The following MED15 variants were observed in gnomAD, a reference collection of about 807,000 sequenced individuals.
MED15 encodes the protein mediator of RNA polymerase II transcription subunit 15.
A neutral mutation model predicts 118.7 loss-of-function variants in MED15; 41 were observed. The observed-to-expected ratio is 0.35, with a 90% CI of 0.27 to 0.45. MED15 has a LOEUF of 0.45. Among genes scored for constraint, MED15 ranks in the 20% least tolerant of loss-of-function variants. The pLI, the probability that MED15 is intolerant of heterozygous loss-of-function variation, is 1.00. For synonymous variants in MED15, 436 were observed against 413.9 expected (o/e 1.05, Z -0.65); for missense variants, 740 against 1,025.5 (o/e 0.72, Z 3.80).
intron 13 of MED15, 175 bp downstream of exon 13, chr22:20,583,568 A>G (rs895360728): frequency 1.4e-6 from 1 of 713,374 alleles, no homozygotes; most frequent in African/African-American, 1.8e-5. Context: ...CCCAGGCTTC[A>G]TCTTGGCCCA....
At chr22:20,528,960 CTGT>C (rs2054754813) in intron 1 of MED15, among the ~76,000 whole-genome samples, 1 of 152,310 alleles carries the variant, frequency 6.6e-6, no homozygotes, top group South Asian at 2.1e-4. Context: ...CTTTCACCCT[CTGT>C]CCCAGAGCAC....
rs1017571362 is a variant in MED15, at chr22:20,575,318, C to G, written c.1272+86C>G. 7 of 1,483,122 alleles carry G rather than the reference C, an allele frequency of 4.7e-6. No individual in the cohort carries two copies. In the South Asian group the frequency reaches 5.0e-5, roughly 11 times the overall value. 91.9% of individuals were successfully genotyped at this position (1,483,122 alleles called of 1,614,324 possible). ...TGTAAAGCGCACCTGTCATTATCAT[C>G]GCCGGTGACTTCTTTTATGGTGGCT... On this transcript the variant is annotated intron_variant, in intron 9 of 17. Coordinates refer to ENST00000263205, the MANE Select transcript of MED15 (RefSeq NM_001003891.3).
intron 1 of MED15, among the ~76,000 whole-genome samples, chr22:20,513,591 C>T (rs774241465): frequency 2.6e-4 from 40 of 152,132 alleles, no homozygotes; most frequent in South Asian, 1.7e-3. Flanking sequence ...CTTTCTTAAT[C>T]GTGTCCCTCA....
chr22:20,508,018 C>T, intron 1 of MED15: 1 of 1,410,238 alleles, frequency 7.1e-7, no homozygotes, highest in Non-Finnish European at 9.2e-7. Flanking sequence ...CATTTGTGTG[C>T]TTTGGGTGCA....
chr22:20,571,373 C>G (rs527367117), intron 8 of MED15, among the ~76,000 whole-genome samples: 1 of 152,218 alleles, frequency 6.6e-6, no homozygotes, highest in African/African-American at 2.4e-5. Context: ...CACTGTGGTT[C>G]GTTGCTGAGT....
At chr22:20,529,103 G>A (rs1354485526) in intron 1 of MED15, among the ~76,000 whole-genome samples, 4 of 152,200 alleles carry the variant, frequency 2.6e-5, no homozygotes, top group Admixed American at 1.3e-4. Context: ...TGGGCCATCA[G>A]CTTTCCAGCT....
intron 2 of MED15, among the ~76,000 whole-genome samples, chr22:20,541,251 CATAA>C (rs1337762428): frequency 6.6e-6 from 1 of 151,648 alleles, no homozygotes; most frequent in Non-Finnish European, 1.5e-5. Flanking sequence ...AAAATAAATA[CATAA>C]ATAAAATAAA....
Position 20,586,698 on chromosome 22 carries a change from C to G in MED15, c.2361C>G (p.Ala787=), listed in dbSNP as rs754668727. 7 of 1,612,386 alleles carry G rather than the reference C, an allele frequency of 4.3e-6. No homozygotes were observed. In the African/African-American group the frequency reaches 9.3e-5, roughly 22 times the overall value. The change falls in exon 18 of 18, where the codon GCC becomes GCG. Residue 787 remains alanine (A), a synonymous_variant. Transcript: ENST00000263205. ...GCGTCCACCAGGCCTGCCTCTCAGC[C>G]GCCTAGCCAAGACTGCAGGGATGGC... ...AQSVHQACLS[A]A is the part of the protein sequence containing the mutation.
intron 8 of MED15, among the ~76,000 whole-genome samples, chr22:20,569,301 G>C (rs1341366406): frequency 1.3e-5 from 2 of 152,222 alleles, no homozygotes; most frequent in African/African-American, 4.8e-5. Context: ...TTCTTGTGGG[G>C]AGACGTACAG....
chr22:20,581,233 G>A (rs1005302900), intron 9 of MED15, among the ~76,000 whole-genome samples: 13 of 152,344 alleles, frequency 8.5e-5, no homozygotes, highest in Admixed American at 3.3e-4. Context: ...AGAGCATTTC[G>A]CTCCAGGAGC....
intron 2 of MED15, among the ~76,000 whole-genome samples, chr22:20,544,728 G>A (rs1484821486): frequency 6.6e-6 from 1 of 152,184 alleles, no homozygotes; most frequent in Non-Finnish European, 1.5e-5. Flanking sequence ...TTCAAAGTCA[G>A]TACCATGGGT....
At chr22:20,515,800 A>G (rs999231215) in intron 1 of MED15, among the ~76,000 whole-genome samples, 1 of 151,634 alleles carries the variant, frequency 6.6e-6, no homozygotes, top group Non-Finnish European at 1.5e-5. Context: ...AAAAAAATAT[A>G]TAGACCAACC....
In MED15 at chr22:20,537,179, A is replaced by G. The variant is rs2055111226; in HGVS notation, c.131A>G (p.His44Arg). Residue 44 changes from histidine (H) to arginine (R), a missense_variant, in exon 2 of 18, where the codon CAT becomes CGT. By Grantham distance (29) the His-to-Arg change is conservative. Coordinates refer to ENST00000263205, the MANE Select transcript of MED15 (RefSeq NM_001003891.3). Reference protein sequence around the residue: ...HSKSSKDMESHVFLKAKTRDE... With the variant: ...HSKSSKDMESRVFLKAKTRDE... The stretch of plus-strand genomic sequence containing the variant: ...AAATCCAGCAAGGATATGGAGAGCC[A>G]TGTTTTCCTGAAGGCCAAGACCCGG... 6.2e-7 allele frequency: 1 copy of G among 1,613,908 alleles called. No individual in the cohort carries two copies. The highest frequency in any genetic ancestry group is 8.5e-7 in the Non-Finnish European group (1 of 1,179,874).
intron 1 of MED15, among the ~76,000 whole-genome samples, chr22:20,534,760 C>T (rs2054994726): frequency 6.6e-6 from 1 of 152,178 alleles, no homozygotes; most frequent in Non-Finnish European, 1.5e-5. Flanking sequence ...TCCCAGCCCA[C>T]CCATGCCTCG....
At chr22:20,567,558 A>C (rs968681632) in intron 7 of MED15, among the ~76,000 whole-genome samples, 6 of 152,138 alleles carry the variant, frequency 3.9e-5, no homozygotes, top group African/African-American at 1.4e-4. Context: ...TGAGGAGCAG[A>C]TATGCTCACT....
chr22:20,527,584 G>A (rs2054695101), intron 1 of MED15, among the ~76,000 whole-genome samples: 1 of 151,920 alleles, frequency 6.6e-6, no homozygotes, highest in Non-Finnish European at 1.5e-5. Flanking sequence ...TGGGACTGCA[G>A]GCATGCACCA....
At chr22:20,550,184 A>G (rs768259127) in intron 2 of MED15, among the ~76,000 whole-genome samples, 3 of 151,634 alleles carry the variant, frequency 2.0e-5, no homozygotes, top group Admixed American at 1.3e-4. Context: ...TTCTCATACC[A>G]CTGTCCTTCA....
At position 20,566,458 on chromosome 22, in the gene MED15, T is replaced by C; in HGVS notation, c.691-9T>C. ...AGTGATAACCGAGTGCTGCTTGTTCTGTCTCTAGATACAGCAGCAGCAACA... is the reference window on the plus strand; with the variant it reads ...AGTGATAACCGAGTGCTGCTTGTTCCGTCTCTAGATACAGCAGCAGCAACA... On this transcript the variant is annotated splice_polypyrimidine_tract_variant and intron_variant, in intron 6 of 17. Coordinates refer to ENST00000263205, the MANE Select transcript of MED15 (RefSeq NM_001003891.3). The C allele has an allele frequency of 6.2e-7, 1 of 1,611,092 alleles. No homozygotes were observed. The highest frequency in any genetic ancestry group is 8.5e-7 in the Non-Finnish European group (1 of 1,179,556).
At chr22:20,576,040 A>G (rs1177232878) in intron 9 of MED15, among the ~76,000 whole-genome samples, 1 of 151,880 alleles carries the variant, frequency 6.6e-6, no homozygotes, top group African/African-American at 2.4e-5. Flanking sequence ...TTTCAGAGAC[A>G]GGAATTCCCG....
Sources: allele counts gnomAD v4.1 joint callset (sites outside exome capture counted in the v4.1 genomes callset), GRCh38; gene constraint gnomAD v4.1.1; transcripts MANE v1.5; gene names NCBI Gene and HGNC (gene_info 2026-07-23, HGNC 2026-07-21).